The following SH3BGR variants were observed in gnomAD, a reference collection of about 807,000 sequenced individuals.
SH3BGR encodes the protein SH3 domain binding glutamate rich protein.
Under a neutral mutation model 24.5 loss-of-function variants are expected in SH3BGR, and 29 were observed. The observed-to-expected ratio is 1.18, with a 90% CI of 0.88 to 1.61. The LOEUF (loss-of-function observed/expected upper bound fraction) is 1.61, where lower values mean the gene tolerates loss of function less well. SH3BGR is among the 40% of genes most tolerant of loss of function. The pLI, the probability that SH3BGR is intolerant of heterozygous loss-of-function variation, is 0.00. For synonymous variants in SH3BGR, 55 were observed against 65.7 expected (o/e 0.84, Z 0.79); for missense variants, 162 against 205.8 (o/e 0.79, Z 1.30).
At chr21:39,507,081 C>T (rs1344519899) in intron 4 of SH3BGR, among the ~76,000 whole-genome samples, 2 of 152,158 alleles carry the variant, frequency 1.3e-5, no homozygotes, top group African/African-American at 4.8e-5. Flanking sequence ...AGACTCTTCT[C>T]CTGCACATTA....
intron 6 of SH3BGR, among the ~76,000 whole-genome samples, chr21:39,513,285 G>T (rs925661690): frequency 2.0e-5 from 3 of 152,188 alleles, no homozygotes; most frequent in African/African-American, 7.2e-5. Context: ...ATTGGTGCAT[G>T]TACAAAGAAG....
intron 2 of SH3BGR, among the ~76,000 whole-genome samples, chr21:39,472,686 C>T (rs1220335275): frequency 6.6e-6 from 1 of 152,116 alleles, no homozygotes; most frequent in Non-Finnish European, 1.5e-5. Context: ...TCCCCTTCAC[C>T]CAGAAGCAAA....
intron 3 of SH3BGR, among the ~76,000 whole-genome samples, chr21:39,479,527 G>C (rs1287392848): frequency 6.6e-6 from 1 of 152,020 alleles, no homozygotes; most frequent in Non-Finnish European, 1.5e-5. Context: ...GATAAATCTG[G>C]CTGCCAGTGT....
chr21:39,487,137 A>C (rs2078224609), intron 3 of SH3BGR, among the ~76,000 whole-genome samples: 1 of 151,194 alleles, frequency 6.6e-6, no homozygotes, highest in African/African-American at 2.4e-5. Flanking sequence ...CAGCCATAAC[A>C]ATGTTTTTTT....
intron 1 of SH3BGR, among the ~76,000 whole-genome samples, chr21:39,459,287 C>T (rs942540181): frequency 2.6e-5 from 4 of 151,108 alleles, no homozygotes; most frequent in African/African-American, 4.9e-5. Context: ...TGCAGTGGCA[C>T]GATATCTGCT....
intron 1 of SH3BGR, among the ~76,000 whole-genome samples, chr21:39,460,564 G>C (rs193152971): frequency 6.6e-6 from 1 of 152,114 alleles, no homozygotes; most frequent in African/African-American, 2.4e-5. Flanking sequence ...CCGCCTCCCA[G>C]GTTCAAGTGA....
At chr21:39,504,164 G>A (rs2078543441) in intron 4 of SH3BGR, among the ~76,000 whole-genome samples, 3 of 152,132 alleles carry the variant, frequency 2.0e-5, no homozygotes, top group African/African-American at 7.2e-5. Context: ...AAAGTCATGA[G>A]GCCCTTGCTT....
At chr21:39,478,520 G>A (rs1314894937) in intron 3 of SH3BGR, among the ~76,000 whole-genome samples, 2 of 152,340 alleles carry the variant, frequency 1.3e-5, no homozygotes, top group East Asian at 3.9e-4. Context: ...CGTTATTTGT[G>A]CTGGGCATTT....
chr21:39,476,203 G>C (rs2078024795), intron 3 of SH3BGR, among the ~76,000 whole-genome samples: 1 of 152,168 alleles, frequency 6.6e-6, no homozygotes, highest in African/African-American at 2.4e-5. Context: ...GGGAAGGCAG[G>C]AGGAGACCAG....
At chr21:39,506,476 G>A (rs897956874) in intron 4 of SH3BGR, among the ~76,000 whole-genome samples, 28 of 152,196 alleles carry the variant, frequency 1.8e-4, no homozygotes, top group African/African-American at 6.5e-4. Context: ...CCAAGACTGG[G>A]TAATTTATAA....
At chr21:39,502,074 G>A (rs1245960300) in intron 4 of SH3BGR, among the ~76,000 whole-genome samples, 1 of 152,234 alleles carries the variant, frequency 6.6e-6, no homozygotes. Flanking sequence ...TTGGGAAGCT[G>A]AGGTGGGAGG....
chr21:39,457,651 G>C (rs186498449), intron 1 of SH3BGR, among the ~76,000 whole-genome samples: 2 of 151,828 alleles, frequency 1.3e-5, no homozygotes, highest in African/African-American at 2.4e-5. Flanking sequence ...GAAACACCCA[G>C]CCGGGCACTG....
intron 6 of SH3BGR, among the ~76,000 whole-genome samples, chr21:39,512,044 G>T: frequency 6.6e-6 from 1 of 152,198 alleles, no homozygotes. Flanking sequence ...GGCTATGGTT[G>T]ATGGGATTTC....
At chr21:39,513,491 G>C (rs979985368) in intron 6 of SH3BGR, among the ~76,000 whole-genome samples, 1 of 151,982 alleles carries the variant, frequency 6.6e-6, no homozygotes, top group South Asian at 2.1e-4. Flanking sequence ...AGCTAGTGAG[G>C]GTGGCCATCA....
chr21:39,464,555 A>G (rs796646193), intron 2 of SH3BGR, among the ~76,000 whole-genome samples: 1 of 152,286 alleles, frequency 6.6e-6, no homozygotes, highest in Non-Finnish European at 1.5e-5. Context: ...TTCCAGGCTG[A>G]CATGGATTTA....
rs779033660 is a variant in SH3BGR, at chr21:39,475,209, C to T, written c.306C>T (p.Asp102=). The change falls in exon 3 of 7, where the codon GAC becomes GAT. Residue 102 remains aspartate (D), a synonymous_variant. Coordinates refer to ENST00000333634, the MANE Select transcript of SH3BGR (RefSeq NM_007341.3). The part of the protein sequence containing the change: ...YSFLGLAPPP[D]SKGSEKAEEG... ...TCCTTGGTTTGGCTCCTCCTCCAGA[C>T]TCAAAGGTAAGTTTGAACAAACTCC... 3 of 1,603,784 alleles carry T rather than the reference C, an allele frequency of 1.9e-6. No homozygotes were observed. In the Admixed American group the frequency reaches 5.0e-5, roughly 27 times the overall value.
chr21:39,446,865 T>C (rs2077484093), intron 1 of SH3BGR: 1 of 152,250 alleles, frequency 6.6e-6, no homozygotes. Flanking sequence ...GGTATTTGTG[T>C]AGAGTCAAGC....
chr21:39,459,680 C>G (rs7279261), intron 1 of SH3BGR, among the ~76,000 whole-genome samples: 24 of 152,084 alleles, frequency 1.6e-4, no homozygotes, highest in African/African-American at 5.6e-4. Context: ...GCATGCACCA[C>G]CACACCTGTC....
chr21:39,486,259 A>G (rs1476911450), intron 3 of SH3BGR, among the ~76,000 whole-genome samples: 1 of 152,258 alleles, frequency 6.6e-6, no homozygotes, highest in East Asian at 1.9e-4. Flanking sequence ...CAAGAATAAT[A>G]TATTTGATGA....
Sources: allele counts gnomAD v4.1 joint callset (sites outside exome capture counted in the v4.1 genomes callset), GRCh38; gene constraint gnomAD v4.1.1; transcripts MANE v1.5; gene names NCBI Gene and HGNC (gene_info 2026-07-23, HGNC 2026-07-21).